Variants in SLC17A6 observed in about 807,000 individuals in gnomAD.
SLC17A6 encodes the protein vesicular glutamate transporter 2.
In SLC17A6, 35 loss-of-function variants were observed where a neutral mutation model predicts 67.1. The ratio of observed to expected loss-of-function variants is 0.52; its 90% CI spans 0.40 to 0.69. SLC17A6 has a LOEUF of 0.69. Among genes scored for constraint, SLC17A6 ranks in the 30% least tolerant of loss-of-function variants. The pLI is 0.00. For missense variants in SLC17A6, 588 were observed against 723.9 expected (o/e 0.81, Z 2.15); for synonymous variants, 285 against 252.3 (o/e 1.13, Z -1.23).
At chr11:22,359,583 A>G in intron 4 of SLC17A6, 56 bp downstream of exon 4, 1 of 1,067,540 alleles carries the variant, frequency 9.4e-7, no homozygotes, top group Non-Finnish European at 1.3e-6. Flanking sequence ...GAGAACCACC[A>G]GTTTATCTTT....
At position 22,343,501 on chromosome 11, in the gene SLC17A6, C is replaced by A. The variant is rs544630580; in HGVS notation, c.458+136C>A. 1.1e-4 allele frequency: 73 copies of A among 653,976 alleles called. 3 individuals carry two copies. In the South Asian group the frequency reaches 1.4e-3, roughly 13 times the overall value. The allele number at this position is 653,976 out of a possible 1,614,324, so 40.5% of individuals were successfully genotyped here. A position where few individuals can be genotyped will look rare whatever the true frequency, so the allele number is the denominator to read the frequency against. On this transcript the variant is annotated intron_variant, in intron 3 of 11. Transcript: ENST00000263160. ...CGAAGTCTTCTAGTCCCTTGACACACCCTCTCAGGGCTGGAGCTGCTGGTG... is the reference window on the plus strand; with the variant it reads ...CGAAGTCTTCTAGTCCCTTGACACAACCTCTCAGGGCTGGAGCTGCTGGTG...
chr11:22,350,830 G>T (rs1410150755), intron 3 of SLC17A6, among the ~76,000 whole-genome samples: 1 of 151,998 alleles, frequency 6.6e-6, no homozygotes, highest in Non-Finnish European at 1.5e-5. Context: ...TTCAATTTCA[G>T]CTATATATAT....
intron 3 of SLC17A6, among the ~76,000 whole-genome samples, chr11:22,346,192 C>T (rs1308463043): frequency 1.3e-5 from 2 of 152,118 alleles, no homozygotes; most frequent in Non-Finnish European, 2.9e-5. Flanking sequence ...AGTTTTGCCA[C>T]CACTGTTGTG....
intron 3 of SLC17A6, among the ~76,000 whole-genome samples, chr11:22,357,929 G>A (rs1856008994): frequency 6.6e-6 from 1 of 152,110 alleles, no homozygotes; most frequent in African/African-American, 2.4e-5. Context: ...AGCCACTAAG[G>A]GAAGGCGGGT....
chr11:22,361,146 A>T, intron 5 of SLC17A6, 162 bp downstream of exon 5: 1 of 538,250 alleles, frequency 1.9e-6, no homozygotes. Flanking sequence ...CTTTAGTTTT[A>T]TTGTTTTGCT....
At chr11:22,363,932 A>G (rs1005913114) in intron 6 of SLC17A6, among the ~76,000 whole-genome samples, 2 of 152,160 alleles carry the variant, frequency 1.3e-5, no homozygotes, top group Non-Finnish European at 2.9e-5. Context: ...ATTAAATACT[A>G]TGTTTTGTGT....
intron 6 of SLC17A6, among the ~76,000 whole-genome samples, chr11:22,363,429 T>C (rs2133871425): frequency 6.6e-6 from 1 of 152,350 alleles, no homozygotes; most frequent in Admixed American, 6.5e-5. Flanking sequence ...TATTTCAAAA[T>C]ATCCCTACAG....
chr11:22,368,528 G>T (rs576037908), intron 7 of SLC17A6, among the ~76,000 whole-genome samples: 1 of 151,892 alleles, frequency 6.6e-6, no homozygotes, highest in African/African-American at 2.4e-5. Context: ...TAAGGTATAA[G>T]GTGAGATATT....
intron 8 of SLC17A6, among the ~76,000 whole-genome samples, chr11:22,372,020 T>A (rs1856180391): frequency 6.6e-6 from 1 of 152,034 alleles, no homozygotes; most frequent in African/African-American, 2.4e-5. Flanking sequence ...AATAATGGTA[T>A]TAACTTAATA....
intron 7 of SLC17A6, among the ~76,000 whole-genome samples, chr11:22,368,498 T>C (rs1856138051): frequency 6.6e-6 from 1 of 152,048 alleles, no homozygotes; most frequent in South Asian, 2.1e-4. Context: ...AATCTTCCCT[T>C]TAATCCGCCA....
intron 5 of SLC17A6, among the ~76,000 whole-genome samples, chr11:22,362,027 C>CTT (rs558163180): frequency 2.1e-5 from 3 of 145,862 alleles, no homozygotes; most frequent in South Asian, 2.2e-4. Context: ...TGTCTAAGAC[C>CTT]TTTTTTTTTT....
intron 3 of SLC17A6, 58 bp from the exon 4 acceptor site, chr11:22,359,355 A>C: frequency 1.0e-6 from 1 of 986,632 alleles, no homozygotes; most frequent in Non-Finnish European, 1.4e-6. Context: ...AGAAATTTAG[A>C]TATGTATATA....
Position 22,359,534 on chromosome 11 carries a change from A to G in SLC17A6, c.573+7A>G. 6.5e-7 allele frequency: 1 copy of G among 1,548,306 alleles called. No homozygotes were observed. Among genetic ancestry groups the G allele is most frequent in the Non-Finnish European group, 8.8e-7 (1 of 1,142,554 alleles). ...ACTGCAGGGACTTGTTGAGGTATGT[A>G]ACTTCAGGGTGAAGCCTTTTTAAGA... On this transcript the variant is annotated splice_region_variant and intron_variant, in intron 4 of 11. Transcript: ENST00000263160.
At position 22,377,452 on chromosome 11, in the gene SLC17A6, C is replaced by T; in HGVS notation, c.1461C>T (p.His487=). 1.9e-6 allele frequency: 3 copies of T among 1,613,984 alleles called. No individual in the cohort carries two copies. The highest frequency in any genetic ancestry group is 2.5e-6 in the Non-Finnish European group (3 of 1,179,928). Residue 487 remains histidine, a synonymous_variant, in exon 12 of 12, where the codon CAC becomes CAT. Coordinates refer to ENST00000263160, the MANE Select transcript of SLC17A6 (RefSeq NM_020346.3). ...TCTTCCTGATCGCTGCCCTAGTCCA[C>T]TATGGTGGAGTTATATTTTATGCAA... ...QYVFLIAALV[H]YGGVIFYAIF...
rs773912609 is a variant in SLC17A6, at chr11:22,359,550, CT to C, written c.573+28del. The C allele has an allele frequency of 4.9e-5, 72 of 1,473,916 alleles. 1 individual carries two copies. The Admixed American group carries it at 6.6e-4, about 14-fold the overall frequency. 91.3% of individuals were successfully genotyped at this position (1,473,916 alleles called of 1,614,324 possible). On this transcript the variant is annotated intron_variant, in intron 4 of 11. Coordinates refer to ENST00000263160, the MANE Select transcript of SLC17A6 (RefSeq NM_020346.3). ...GAGGTATGTAACTTCAGGGTGAAGC[CT>C]TTTTAAGATTGGCATTTGGTTGAGA...
chr11:22,360,526 T>TCC (rs59936385), intron 4 of SLC17A6, among the ~76,000 whole-genome samples: 80 of 115,594 alleles, frequency 6.9e-4, no homozygotes, highest in African/African-American at 2.2e-3. Flanking sequence ...CCGCTCTCCT[T>TCC]CCCCCCCCCC....
chr11:22,376,819 G>A (rs1856237500), intron 11 of SLC17A6, 147 bp downstream of exon 11: 2 of 781,208 alleles, frequency 2.6e-6, no homozygotes, highest in African/African-American at 3.5e-5. Context: ...ATGAGGCTCA[G>A]AATACAGTAT....
chr11:22,349,409 C>T (rs1855912434), intron 3 of SLC17A6, among the ~76,000 whole-genome samples: 1 of 152,144 alleles, frequency 6.6e-6, no homozygotes, highest in South Asian at 2.1e-4. Context: ...CTGCATTTTT[C>T]TGACAAAAGA....
intron 5 of SLC17A6, 118 bp downstream of exon 5, chr11:22,361,102 T>C (rs1037518904): frequency 5.7e-5 from 39 of 682,676 alleles, no homozygotes; most frequent in East Asian, 5.4e-4. Flanking sequence ...TGAACATCTG[T>C]GAGTGGTAAG....
Sources: gnomAD v4.1 joint callset for allele counts (sites outside exome capture counted in the v4.1 genomes callset) on GRCh38, gnomAD v4.1.1 for gene constraint, MANE v1.5 for transcripts, NCBI Gene and HGNC (gene_info 2026-07-23, HGNC 2026-07-21) for gene names.